NRXN3: variants seen among roughly 807,000 people sequenced by gnomAD.
NRXN3 encodes neurexin III.
Under a neutral mutation model 137.6 loss-of-function variants are expected in NRXN3, and 32 were observed. The observed-to-expected ratio is 0.23, with a 90% confidence interval of 0.18 to 0.31. The LOEUF (loss-of-function observed/expected upper bound fraction) is 0.31. Among genes scored for constraint, NRXN3 ranks in the 10% least tolerant of loss-of-function variants. The pLI, the probability that NRXN3 is intolerant of heterozygous loss-of-function variation, is 1.00. For synonymous variants in NRXN3, 798 were observed against 784.5 expected, an observed-to-expected ratio of 1.02 and a Z score of -0.29; for missense variants, 1,574 against 2,062.5, an observed-to-expected ratio of 0.76 and a Z score of 4.59.
chr14:79,446,249 G>GT (rs2096062293), intron 15 of NRXN3, among the ~76,000 whole-genome samples: 2 of 152,170 alleles, frequency 1.3e-5, no homozygotes, highest in African/African-American at 2.4e-5. Flanking sequence ...TCCTGTTGTT[G>GT]TTTCTCAGCC....
intron 16 of NRXN3, among the ~76,000 whole-genome samples, chr14:79,601,952 A>G (rs112378151): frequency 2.7e-5 from 4 of 150,022 alleles, no homozygotes; most frequent in African/African-American, 9.7e-5. Flanking sequence ...GCACAGGAGC[A>G]ATGGACCAAT....
chr14:78,926,659 T>C (rs1167479974), intron 10 of NRXN3, among the ~76,000 whole-genome samples: 6 of 78,892 alleles, frequency 7.6e-5, no homozygotes, highest in Admixed American at 2.3e-4. Flanking sequence ...ATATATATAT[T>C]TATTATATAT....
At chr14:78,722,692 G>C (rs1212918579) in intron 8 of NRXN3, among the ~76,000 whole-genome samples, 1 of 152,192 alleles carries the variant, frequency 6.6e-6, no homozygotes, top group Non-Finnish European at 1.5e-5. Flanking sequence ...CTTTCTACGT[G>C]AAGAAATTAA....
intron 15 of NRXN3, among the ~76,000 whole-genome samples, chr14:79,063,313 C>T (rs750948486): frequency 2.8e-4 from 43 of 152,050 alleles, no homozygotes; most frequent in Non-Finnish European, 5.9e-4. Context: ...GATGGAGTCT[C>T]GCTCTTATTG....
intron 15 of NRXN3, among the ~76,000 whole-genome samples, chr14:79,352,201 A>T (rs2093242454): frequency 6.6e-6 from 1 of 152,034 alleles, no homozygotes; most frequent in African/African-American, 2.4e-5. Context: ...TTTCACATCA[A>T]TCATATTTGA....
chr14:79,394,061 T>TA (rs1332795201), intron 15 of NRXN3, among the ~76,000 whole-genome samples: 1 of 152,120 alleles, frequency 6.6e-6, no homozygotes, highest in African/African-American at 2.4e-5. Context: ...GAATATTTTA[T>TA]AAAAAAACAA....
At chr14:78,881,229 G>T (rs1016226416) in intron 10 of NRXN3, among the ~76,000 whole-genome samples, 1 of 151,636 alleles carries the variant, frequency 6.6e-6, no homozygotes, top group Admixed American at 6.5e-5. Flanking sequence ...GTCAGGCTGA[G>T]AATGGACTAA....
intron 15 of NRXN3, among the ~76,000 whole-genome samples, chr14:79,021,562 G>A (rs1236331113): frequency 6.6e-6 from 1 of 152,186 alleles, no homozygotes; most frequent in Non-Finnish European, 1.5e-5. Flanking sequence ...CTATGGATGA[G>A]TGTGATTCAG....
intron 19 of NRXN3, among the ~76,000 whole-genome samples, chr14:79,763,674 G>C (rs1218487230): frequency 1.3e-5 from 2 of 151,418 alleles, no homozygotes; most frequent in African/African-American, 4.9e-5. Flanking sequence ...CTGGTTCATA[G>C]ATGGCGACTT....
intron 19 of NRXN3, among the ~76,000 whole-genome samples, chr14:79,715,233 G>A (rs925980072): frequency 3.3e-5 from 5 of 152,122 alleles, no homozygotes; most frequent in African/African-American, 7.2e-5. Context: ...GATTACAGGC[G>A]TGAGCCACTG....
chr14:78,540,423 T>C (rs2096577669), intron 4 of NRXN3, among the ~76,000 whole-genome samples: 1 of 149,380 alleles, frequency 6.7e-6, no homozygotes, highest in Non-Finnish European at 1.5e-5. Flanking sequence ...GAGACTAGGA[T>C]TGCAACCCCT....
chr14:78,569,583 A>T (rs1367310629), intron 4 of NRXN3, among the ~76,000 whole-genome samples: 1 of 149,628 alleles, frequency 6.7e-6, no homozygotes, highest in African/African-American at 2.5e-5. Context: ...TTTTTTTTTG[A>T]GATGGAGTCT....
chr14:78,890,632 A>G (rs2099156294), intron 10 of NRXN3, among the ~76,000 whole-genome samples: 1 of 151,852 alleles, frequency 6.6e-6, no homozygotes, highest in Admixed American at 6.6e-5. Context: ...GTAAATGGTT[A>G]TAAACTTGAC....
At chr14:79,587,399 A>G (rs921428088) in intron 16 of NRXN3, among the ~76,000 whole-genome samples, 1 of 152,204 alleles carries the variant, frequency 6.6e-6, no homozygotes, top group Non-Finnish European at 1.5e-5. Flanking sequence ...AAGCCCTTGG[A>G]TGACTGCCAT....
chr14:78,528,859 G>C (rs1426188990), intron 4 of NRXN3, among the ~76,000 whole-genome samples: 1 of 152,040 alleles, frequency 6.6e-6, no homozygotes, highest in Non-Finnish European at 1.5e-5. Context: ...TCTGTATCTA[G>C]ATTACCAATT....
At chr14:79,027,097 A>T (rs2099599906) in intron 15 of NRXN3, among the ~76,000 whole-genome samples, 1 of 145,110 alleles carries the variant, frequency 6.9e-6, no homozygotes. Context: ...TTTTTTTTTA[A>T]AACTTGTTGG....
intron 4 of NRXN3, among the ~76,000 whole-genome samples, chr14:78,550,722 CGGGTTT>C (rs2096680331): frequency 6.6e-6 from 1 of 152,106 alleles, no homozygotes; most frequent in Non-Finnish European, 1.5e-5. Flanking sequence ...ACAGGACTTC[CGGGTTT>C]GGAGATTTAG....
intron 15 of NRXN3, among the ~76,000 whole-genome samples, chr14:79,087,918 G>C (rs7161610): frequency 1.3e-5 from 2 of 152,026 alleles, no homozygotes; most frequent in Non-Finnish European, 2.9e-5. Context: ...AGAATTAATC[G>C]CCTGCTTGTT....
intron 15 of NRXN3, among the ~76,000 whole-genome samples, chr14:79,265,055 G>A (rs544809215): frequency 5.3e-4 from 81 of 151,876 alleles, no homozygotes; most frequent in Middle Eastern, 3.4e-3. Flanking sequence ...GCCAAATGTC[G>A]TATATAGTAG....
Sources: gnomAD v4.1 joint callset for allele counts (sites outside exome capture counted in the v4.1 genomes callset) on GRCh38, gnomAD v4.1.1 for gene constraint, MANE v1.5 for transcripts, NCBI Gene and HGNC (gene_info 2026-07-23, HGNC 2026-07-21) for gene names.